SLC24A5: variants seen among roughly 807,000 people sequenced by gnomAD.
The protein encoded by SLC24A5 is solute carrier family 24 member 5, also known as sodium/potassium/calcium exchanger 5.
A neutral mutation model predicts 51.6 loss-of-function variants in SLC24A5; 46 were observed. The ratio of observed to expected loss-of-function variants is 0.89; its 90% CI spans 0.70 to 1.14. SLC24A5 has a LOEUF of 1.14. Ranked by LOEUF, SLC24A5 falls within the 50% of genes most tolerant of loss-of-function variation. The probability of loss-of-function intolerance (pLI) is 0.00; values close to 1 mark genes in which losing one functional copy is unlikely to be tolerated. For synonymous variants in SLC24A5, 230 were observed against 214.9 expected, an observed-to-expected ratio of 1.07 and a Z score of -0.62; for missense variants, 581 against 604.1, an observed-to-expected ratio of 0.96 and a Z score of 0.40.
Position 48,121,948 on chromosome 15 carries a change from C to CT in SLC24A5, c.214dup (p.Tyr72LeufsTer17). 1 of 1,614,112 alleles carries CT rather than the reference C, an allele frequency of 6.2e-7. No homozygotes were observed. The highest frequency in any genetic ancestry group is 8.5e-7 in the Non-Finnish European group (1 of 1,179,950). ...AGCGCAGAGATGGAGGCATCATAAT[C>CT]TATTTCCTAATTATCGTTTACATGT... is the stretch of plus-strand genomic sequence containing the variant. On this transcript the variant is annotated frameshift_variant, in exon 2 of 9. Transcript: ENST00000341459. LOFTEE classifies it high-confidence loss of function.
In SLC24A5 at chr15:48,139,127, T is replaced by C. The variant is rs1457799705; in HGVS notation, c.1030T>C (p.Trp344Arg). 3.1e-6 allele frequency: 5 copies of C among 1,613,108 alleles called. No individual in the cohort carries two copies. Among genetic ancestry groups the C allele is most frequent in the Admixed American group, 1.7e-5 (1 of 60,000 alleles). ...GATAACCTTTTTCATGTCTGCAATATGGATATCCGCATTTACATATATCCT... is the reference window on the plus strand; with the variant it reads ...GATAACCTTTTTCATGTCTGCAATACGGATATCCGCATTTACATATATCCT... Reference protein sequence around the residue: ...FVITFFMSAIWISAFTYILVW... With the variant: ...FVITFFMSAIRISAFTYILVW... Residue 344 changes from tryptophan to arginine, a missense_variant, in exon 7 of 9, where the codon TGG becomes CGG. Coordinates refer to ENST00000341459, the MANE Select transcript of SLC24A5 (RefSeq NM_205850.3).
chr15:48,121,943 A>G lies in SLC24A5; in HGVS notation c.208A>G (p.Ile70Val). 1 of 1,614,202 alleles carries G rather than the reference A, an allele frequency of 6.2e-7. No individual in the cohort carries two copies. The highest frequency in any genetic ancestry group is 8.5e-7 in the Non-Finnish European group (1 of 1,180,002). Residue 70 changes from isoleucine (I) to valine (V), a missense_variant, in exon 2 of 9, where the codon ATA (isoleucine) becomes GTA (valine). By Grantham distance (29) the Ile-to-Val change is conservative. Transcript: ENST00000341459. ...TRQERRDGGI[I>V]IYFLIIVYMF... is the part of the protein sequence containing the mutation. ...ACAGGAGCGCAGAGATGGAGGCATC[A>G]TAATCTATTTCCTAATTATCGTTTA... is the stretch of plus-strand genomic sequence containing the variant.
intron 5 of SLC24A5, chr15:48,135,798 G>A (rs573875847): frequency 6.6e-6 from 1 of 152,100 alleles, no homozygotes; most frequent in East Asian, 1.9e-4. Context: ...TTAAAACCTA[G>A]CCAGAAGCAT....
At position 48,121,845 on chromosome 15, in the gene SLC24A5, T is replaced by C. The variant is rs2038682119; in HGVS notation, c.122-12T>C. 7 of 1,613,918 alleles carry C rather than the reference T, an allele frequency of 4.3e-6. No individual in the cohort carries two copies. In the East Asian group the frequency reaches 1.6e-4, roughly 36 times the overall value. On this transcript the variant is annotated splice_polypyrimidine_tract_variant and intron_variant, in intron 1 of 8. Coordinates refer to ENST00000341459, the MANE Select transcript of SLC24A5 (RefSeq NM_205850.3). Reference sequence around the variant, plus strand: ...CAAACTCTTCAAACTTTCACCTCCTTTTCCTTAACAGGAAATAGCACCCAA... The same window carrying C: ...CAAACTCTTCAAACTTTCACCTCCTCTTCCTTAACAGGAAATAGCACCCAA...
chr15:48,136,945 CT>C lies in SLC24A5; in HGVS notation c.855del (p.Ser286ValfsTer18). 1 of 1,609,120 alleles carries C rather than the reference CT, an allele frequency of 6.2e-7. No individual in the cohort carries two copies. The highest frequency in any genetic ancestry group is 1.1e-5 in the South Asian group (1 of 90,694). On this transcript the variant is annotated frameshift_variant, in exon 6 of 9. Coordinates refer to ENST00000341459, the MANE Select transcript of SLC24A5 (RefSeq NM_205850.3). LOFTEE classifies it high-confidence loss of function. Reference protein sequence around the residue: ...YSQLSISLHGLSQVSEDPPSV... With the variant: ...YSQLSISLHGXSQVSEDPPSV... ...TCAGCTCTCTATAAGTTTACATGGC[CT>C]TAGTCAGGTTTCTGAAGGTAATCAC...
intron 2 of SLC24A5, among the ~76,000 whole-genome samples, chr15:48,130,047 GAA>G (rs2038774148): frequency 6.6e-6 from 1 of 151,970 alleles, no homozygotes; most frequent in Non-Finnish European, 1.5e-5. Context: ...ACACATTTAA[GAA>G]AAAGTCTGAT....
chr15:48,134,285 G>C lies in SLC24A5; in HGVS notation c.329G>C (p.Gly110Ala), dbSNP rs1479023500. 2.5e-6 allele frequency: 4 copies of C among 1,613,538 alleles called. No individual in the cohort carries two copies. The South Asian group carries it at 4.4e-5, about 18-fold the overall frequency. Residue 110 changes from glycine (G) to alanine (A), a missense_variant, in exon 3 of 9, where the codon GGC (glycine) becomes GCC (alanine). Gly to Ala is a moderately conservative substitution (Grantham distance 60, BLOSUM62 0). Transcript: ENST00000341459. Reference protein sequence around the residue: ...ESLGLSQDVAGTTFMAAGSSA... With the variant: ...ESLGLSQDVAATTFMAAGSSA... ...CTTGGATTGTCTCAGGATGTTGCAG[G>C]CACAACTTTCATGGCAGCGGGCAGT...
At chr15:48,137,658 T>C (rs539537059) in intron 6 of SLC24A5, 6 of 152,184 alleles carry the variant, frequency 3.9e-5, no homozygotes, top group Non-Finnish European at 7.4e-5. Context: ...TGTGAGACTA[T>C]ATGAAGGAAG....
intron 2 of SLC24A5, among the ~76,000 whole-genome samples, chr15:48,132,869 T>C (rs535682659): frequency 3.4e-4 from 52 of 152,250 alleles, no homozygotes; most frequent in African/African-American, 1.2e-3. Flanking sequence ...TGTCCTGTGA[T>C]GATAGTAAGG....
Position 48,134,876 on chromosome 15 carries a change from T to A in SLC24A5, c.490-8T>A. On this transcript the variant is annotated splice_region_variant and splice_polypyrimidine_tract_variant and intron_variant, in intron 4 of 8. Transcript: ENST00000341459. The stretch of plus-strand genomic sequence containing the variant: ...ATGTAATGGAAATAATAACTTACCA[T>A]ATTACAGGTCTCAACACTATCATGT... The A allele has an allele frequency of 6.3e-7, 1 of 1,593,174 alleles. No homozygotes were observed.
rs2038976835 is a variant in SLC24A5, at chr15:48,139,109, T to G, written c.1012T>G (p.Phe338Val). 1 of 1,612,900 alleles carries G rather than the reference T, an allele frequency of 6.2e-7. No homozygotes were observed. The highest frequency in any genetic ancestry group is 8.5e-7 in the Non-Finnish European group (1 of 1,179,132). Residue 338 changes from phenylalanine (F) to valine (V), a missense_variant, in exon 7 of 9, where the codon TTT becomes GTT. Phe to Val is a conservative substitution (Grantham distance 50). Transcript: ENST00000341459. Reference sequence around the variant, plus strand: ...TTGGAAAAACTACTTTGTGATAACCTTTTTCATGTCTGCAATATGGATATC... The same window carrying G: ...TTGGAAAAACTACTTTGTGATAACCGTTTTCATGTCTGCAATATGGATATC... The part of the protein sequence containing the change: ...KFWKNYFVIT[F>V]FMSAIWISAF...
rs765262854 is a variant in SLC24A5 at position 48,142,269 on chromosome 15, C to G, written c.1421C>G (p.Ser474Ter). 3.7e-6 allele frequency: 6 copies of G among 1,613,492 alleles called. No individual in the cohort carries two copies. The highest frequency in any genetic ancestry group is 1.7e-5 in the Admixed American group (1 of 59,988). The change falls in exon 9 of 9, where the codon TCA (serine) becomes TGA (stop). Residue 474 changes from serine to a stop codon, truncating the protein, a stop_gained. Coordinates refer to ENST00000341459, the MANE Select transcript of SLC24A5 (RefSeq NM_205850.3). LOFTEE classifies it high-confidence loss of function. ...DRKLGIVCLL[S>*]YLGLATLSVL... ...AAGTTGGGAATAGTCTGCCTATTAT[C>G]ATACTTGGGGCTTGCTACATTATCA...
chr15:48,141,817 T>C lies in SLC24A5; in HGVS notation c.1181-212T>C, dbSNP rs561254972. ...CTATATACCTTATTGAAAAATGGTT[T>C]AATAAATATAATTATTAAATAAATG... On this transcript the variant is annotated intron_variant, in intron 8 of 8. Coordinates refer to ENST00000341459, the MANE Select transcript of SLC24A5 (RefSeq NM_205850.3). The C allele has an allele frequency of 2.7e-4, 91 of 341,398 alleles. 1 individual carries two copies. The South Asian group carries it at 7.9e-3, about 30-fold the overall frequency. 21.1% of individuals were successfully genotyped at this position (341,398 alleles called of 1,614,324 possible).
chr15:48,136,736 G>GT lies in SLC24A5; in HGVS notation c.648dup (p.Asp217Ter). 6.2e-7 allele frequency: 1 copy of GT among 1,613,526 alleles called. No homozygotes were observed. Among genetic ancestry groups the GT allele is most frequent in the South Asian group, 1.1e-5 (1 of 91,024 alleles). On this transcript the variant is annotated frameshift_variant, in exon 6 of 9. Transcript: ENST00000341459. LOFTEE classifies it high-confidence loss of function. Reference sequence around the variant, plus strand: ...TATGGATTGTATGTTTTGGTGCTGTGTTTTGACATTAAAATTAACCAATAT... The same window carrying GT: ...TATGGATTGTATGTTTTGGTGCTGTGTTTTTGACATTAAAATTAACCAATAT...
intron 2 of SLC24A5, among the ~76,000 whole-genome samples, chr15:48,131,904 T>C (rs557993835): frequency 6.6e-6 from 1 of 152,198 alleles, no homozygotes; most frequent in Admixed American, 6.5e-5. Context: ...TCAAAATAGC[T>C]TGGATTAGGG....
At chr15:48,130,634 A>G (rs973301955) in intron 2 of SLC24A5, among the ~76,000 whole-genome samples, 16 of 152,090 alleles carry the variant, frequency 1.1e-4, no homozygotes, top group African/African-American at 1.9e-4. Context: ...TTCTTTTTCA[A>G]TTTCTTCCAC....
chr15:48,141,972 T>A, intron 8 of SLC24A5, 57 bp from the exon 9 acceptor site: 1 of 1,245,646 alleles, frequency 8.0e-7, no homozygotes, highest in South Asian at 2.0e-5. Context: ...TTATGAAGAT[T>A]ATTAATAAAA....
rs2039121180 is a variant in SLC24A5, at chr15:48,142,337, G to A, written c.1489G>A (p.Gly497Ser). Reference protein sequence around the residue: ...LGIIGNNKIRGCGG With the variant: ...LGIIGNNKIRSCGG Reference sequence around the variant, plus strand: ...AATTATTGGAAATAATAAAATAAGGGGCTGTGGAGGTTGATATTATTAATA... The same window carrying A: ...AATTATTGGAAATAATAAAATAAGGAGCTGTGGAGGTTGATATTATTAATA... Residue 497 changes from glycine to serine, a missense_variant, in exon 9 of 9, where the codon GGC becomes AGC. Physicochemically the swap from Gly to Ser is moderately conservative, Grantham distance 56 (BLOSUM62 0). Transcript: ENST00000341459. 8 of 1,597,564 alleles carry A rather than the reference G, an allele frequency of 5.0e-6. No homozygotes were observed. In the East Asian group the frequency reaches 1.8e-4, roughly 36 times the overall value.
At chr15:48,127,279 G>T (rs1227723243) in intron 2 of SLC24A5, among the ~76,000 whole-genome samples, 1 of 152,200 alleles carries the variant, frequency 6.6e-6, no homozygotes, top group Non-Finnish European at 1.5e-5. Context: ...CATAAGAACA[G>T]ACTACAGAGG....
Sources: gnomAD v4.1 joint callset for allele counts (sites outside exome capture counted in the v4.1 genomes callset) on GRCh38, gnomAD v4.1.1 for gene constraint, MANE v1.5 for transcripts, NCBI Gene and HGNC (gene_info 2026-07-23, HGNC 2026-07-21) for gene names.